The following PPP1R36 variants were observed in gnomAD, a reference collection of about 807,000 sequenced individuals.
The protein encoded by PPP1R36 is protein phosphatase 1 regulatory subunit 36, also known as chromosome 14 open reading frame 50.
A neutral mutation model predicts 53.4 loss-of-function variants in PPP1R36; 47 were observed. The ratio of observed to expected loss-of-function variants is 0.88; its 90% CI spans 0.70 to 1.12. The LOEUF (loss-of-function observed/expected upper bound fraction) is 1.12. PPP1R36 is among the 50% of genes most tolerant of loss of function. The pLI is 0.00. For missense variants in PPP1R36, 456 were observed against 513.9 expected, an observed-to-expected ratio of 0.89 and a Z score of 1.09; for synonymous variants, 153 against 170.5, an observed-to-expected ratio of 0.90 and a Z score of 0.80.
At chr14:64,582,568 T>C (rs1448885145) in intron 8 of PPP1R36, among the ~76,000 whole-genome samples, 2 of 152,236 alleles carry the variant, frequency 1.3e-5, no homozygotes, top group African/African-American at 4.8e-5. Context: ...CTTTGAAATG[T>C]AGTAGTCCAA....
chr14:64,552,708 A>G, intron 2 of PPP1R36, 106 bp from the exon 3 acceptor site: 1 of 812,258 alleles, frequency 1.2e-6, no homozygotes. Context: ...AAGGCTTAAC[A>G]TTTTATTAGA....
intron 3 of PPP1R36, among the ~76,000 whole-genome samples, chr14:64,558,370 G>A (rs533254195): frequency 6.6e-6 from 1 of 152,110 alleles, no homozygotes; most frequent in Non-Finnish European, 1.5e-5. Flanking sequence ...TTGAACCCAG[G>A]AGTTTGAGAC....
intron 8 of PPP1R36, among the ~76,000 whole-genome samples, chr14:64,580,990 G>A (rs2080384454): frequency 6.6e-6 from 1 of 152,180 alleles, no homozygotes; most frequent in African/African-American, 2.4e-5. Context: ...GGAGAAAGGA[G>A]GGTATTTATT....
At chr14:64,586,716 T>A (rs1457284644) in intron 8 of PPP1R36, 121 bp from the exon 9 acceptor site, 12 of 640,088 alleles carry the variant, frequency 1.9e-5, no homozygotes, top group Non-Finnish European at 3.0e-5. Context: ...ATAGCATTTG[T>A]GTAGCTGAAA....
At chr14:64,560,631 G>T (rs7146831) in intron 3 of PPP1R36, among the ~76,000 whole-genome samples, 7,876 of 152,154 alleles carry the variant, frequency 0.052, 279 homozygotes, top group Non-Finnish European at 0.08. Context: ...AGTGATTAGT[G>T]AGCCATGAGG....
chr14:64,550,824 TGTTA>T, intron 1 of PPP1R36, 93 bp from the exon 2 acceptor site: 1 of 841,472 alleles, frequency 1.2e-6, no homozygotes, highest in Middle Eastern at 2.3e-4. Flanking sequence ...TTAAAAGATG[TGTTA>T]GTAAGTAGGA....
At chr14:64,580,902 A>G (rs1015742865) in intron 8 of PPP1R36, among the ~76,000 whole-genome samples, 12 of 152,220 alleles carry the variant, frequency 7.9e-5, no homozygotes, top group East Asian at 7.7e-4. Context: ...TCTTTCATAT[A>G]TGTGTTACCG....
chr14:64,578,512 A>G (rs1374977932), intron 8 of PPP1R36, among the ~76,000 whole-genome samples: 2 of 152,212 alleles, frequency 1.3e-5, no homozygotes, highest in Non-Finnish European at 2.9e-5. Context: ...TCTATTAAAT[A>G]TATTTCTTTC....
intron 7 of PPP1R36, among the ~76,000 whole-genome samples, chr14:64,571,019 G>A (rs1407075035): frequency 6.6e-6 from 1 of 152,176 alleles, no homozygotes; most frequent in African/African-American, 2.4e-5. Flanking sequence ...TGTACAACAT[G>A]CCCAGCACTT....
At chr14:64,550,097 G>C in intron 1 of PPP1R36, 31 bp downstream of exon 1, 1 of 1,547,318 alleles carries the variant, frequency 6.5e-7, no homozygotes, top group South Asian at 1.2e-5. Context: ...CCCCATACCC[G>C]GGCTGGGCGC....
intron 3 of PPP1R36, among the ~76,000 whole-genome samples, chr14:64,558,106 G>T (rs538822179): frequency 3.7e-4 from 57 of 152,324 alleles, no homozygotes; most frequent in African/African-American, 1.3e-3. Flanking sequence ...GGAGGGGTCA[G>T]CAGTGTCACA....
chr14:64,585,376 C>A (rs1271009559), intron 8 of PPP1R36, among the ~76,000 whole-genome samples: 1 of 151,924 alleles, frequency 6.6e-6, no homozygotes, highest in Non-Finnish European at 1.5e-5. Context: ...ATTAGCTGGT[C>A]ATGTTGGTGT....
chr14:64,568,600 A>C (rs2080279562), intron 7 of PPP1R36, among the ~76,000 whole-genome samples, 153 bp downstream of exon 7: 1 of 151,928 alleles, frequency 6.6e-6, no homozygotes, highest in South Asian at 2.1e-4. Flanking sequence ...TTTAAAGCTC[A>C]CTGGATAATT....
chr14:64,572,977 G>T (rs776266781), intron 7 of PPP1R36, among the ~76,000 whole-genome samples: 1 of 152,144 alleles, frequency 6.6e-6, no homozygotes, highest in Non-Finnish European at 1.5e-5. Flanking sequence ...GTGTATTAAG[G>T]ATAATACAGT....
chr14:64,567,775 C>T (rs1399603348), intron 6 of PPP1R36, among the ~76,000 whole-genome samples: 1 of 152,150 alleles, frequency 6.6e-6, no homozygotes, highest in Non-Finnish European at 1.5e-5. Flanking sequence ...GATTCTCCTG[C>T]CTCAGCCTCC....
chr14:64,580,180 A>G (rs2080377912), intron 8 of PPP1R36, among the ~76,000 whole-genome samples: 1 of 152,152 alleles, frequency 6.6e-6, no homozygotes, highest in Admixed American at 6.5e-5. Context: ...GCATGCCTGT[A>G]GTTCCAGCCA....
chr14:64,560,441 G>GAA (rs71123862), intron 3 of PPP1R36, among the ~76,000 whole-genome samples: 204 of 117,978 alleles, frequency 1.7e-3, no homozygotes, highest in Middle Eastern at 4.4e-3. Flanking sequence ...CCTATCTCAA[G>GAA]AAAAAAAAAA....
intron 3 of PPP1R36, among the ~76,000 whole-genome samples, chr14:64,560,509 G>A (rs1412351394): frequency 6.6e-6 from 1 of 152,014 alleles, no homozygotes; most frequent in Non-Finnish European, 1.5e-5. Context: ...GATAAGACTG[G>A]AGGCAAGGAG....
At chr14:64,587,451 T>A in intron 10 of PPP1R36, 79 bp downstream of exon 10, 1 of 122,602 alleles carries the variant, frequency 8.2e-6, no homozygotes. Flanking sequence ...TTTTCTCCTT[T>A]TTTTTTTTTT....
Sources: allele counts gnomAD v4.1 joint callset (sites outside exome capture counted in the v4.1 genomes callset), GRCh38; gene constraint gnomAD v4.1.1; transcripts MANE v1.5; gene names NCBI Gene and HGNC (gene_info 2026-07-23, HGNC 2026-07-21).